TPCN2: variants seen among roughly 807,000 people sequenced by gnomAD.
The protein encoded by TPCN2 is two pore channel protein 2.
A neutral mutation model predicts 111.4 loss-of-function variants in TPCN2; 92 were observed. That is an observed-to-expected ratio of 0.83 (90% CI 0.70 to 0.98). The LOEUF is 0.98. TPCN2 is among the 50% of genes least tolerant of loss of function. The pLI, the probability that TPCN2 is intolerant of heterozygous loss-of-function variation, is 0.00. For missense variants in TPCN2, 995 were observed against 980.1 expected (o/e 1.02, Z -0.20); for synonymous variants, 405 against 414.5 (o/e 0.98, Z 0.28).
chr11:69,085,383 A>G (rs1293463460), intron 20 of TPCN2, 97 bp downstream of exon 20: 13 of 1,240,518 alleles, frequency 1.0e-5, no homozygotes, highest in Non-Finnish European at 1.5e-5. Flanking sequence ...GCATCTCAGG[A>G]TGGGAGGGTG....
chr11:69,063,878 G>T lies in TPCN2; in HGVS notation c.654-17G>T. ...GCCCGCCGCCTGGCCCAGGCTGAGT[G>T]CCGTGCTCTCCCCCAGCGTCGGGCT... On this transcript the variant is annotated splice_polypyrimidine_tract_variant and intron_variant, in intron 6 of 24. Transcript: ENST00000294309. The T allele has an allele frequency of 6.2e-7, 1 of 1,613,176 alleles. No homozygotes were observed.
intron 22 of TPCN2, 73 bp downstream of exon 22, chr11:69,086,003 C>A: frequency 7.0e-7 from 1 of 1,436,244 alleles, no homozygotes; most frequent in Non-Finnish European, 9.7e-7. Context: ...GGGCACGCTG[C>A]ATCTGCACTG....
intron 16 of TPCN2, chr11:69,079,338 TCACTGATAGA>T: frequency 5.0e-6 from 2 of 400,526 alleles, no homozygotes; most frequent in South Asian, 7.7e-5. Flanking sequence ...CTCTTAAACG[TCACTGATAGA>T]CGGTGTGACC....
intron 19 of TPCN2, chr11:69,084,677 G>A: frequency 6.1e-6 from 6 of 985,464 alleles, no homozygotes; most frequent in Non-Finnish European, 7.2e-6. Context: ...CCACCTTGAC[G>A]TAGGGACCAC....
intron 5 of TPCN2, among the ~76,000 whole-genome samples, chr11:69,062,595 A>G (rs1440676409): frequency 8.4e-6 from 1 of 118,690 alleles, no homozygotes; most frequent in African/African-American, 3.1e-5. Context: ...ACAGGGGAGG[A>G]TGGCCTGGGA....
At chr11:69,073,986 A>G (rs561810216) in intron 13 of TPCN2, among the ~76,000 whole-genome samples, 149 of 152,274 alleles carry the variant, frequency 9.8e-4, no homozygotes, top group African/African-American at 3.4e-3. Context: ...GGCCCATTCT[A>G]ATGGCCTTGT....
At chr11:69,084,256 T>C (rs1402214096) in intron 19 of TPCN2, among the ~76,000 whole-genome samples, 1 of 152,108 alleles carries the variant, frequency 6.6e-6, no homozygotes, top group African/African-American at 2.4e-5. Flanking sequence ...TGAGCATCCT[T>C]CCCTCCCATG....
At chr11:69,056,918 A>G (rs1179230036) in intron 4 of TPCN2, among the ~76,000 whole-genome samples, 2 of 151,608 alleles carry the variant, frequency 1.3e-5, no homozygotes, top group African/African-American at 2.4e-5. Flanking sequence ...GCTCACTGCA[A>G]CCTTCGCCTC....
intron 13 of TPCN2, among the ~76,000 whole-genome samples, chr11:69,074,262 G>T (rs535295747): frequency 2.0e-5 from 3 of 152,202 alleles, no homozygotes; most frequent in Non-Finnish European, 2.9e-5. Flanking sequence ...CCACGCACTC[G>T]TCCCCATCCT....
Position 69,054,702 on chromosome 11 carries a change from T to C in TPCN2, c.175-19T>C. The C allele has an allele frequency of 6.2e-7, 1 of 1,613,470 alleles. No homozygotes were observed. Among genetic ancestry groups the C allele is most frequent in the African/African-American group, 1.3e-5 (1 of 75,040 alleles). On this transcript the variant is annotated intron_variant, in intron 2 of 24. Transcript: ENST00000294309. ...CTGCATGCACCCATGTCATGCCTCATGTGACTTTTCGCTTGTAGTACCGCT... is the reference window on the plus strand; with the variant it reads ...CTGCATGCACCCATGTCATGCCTCACGTGACTTTTCGCTTGTAGTACCGCT...
In TPCN2 at chr11:69,049,053, G is replaced by C; in HGVS notation, c.56G>C (p.Gly19Ala). The stretch of plus-strand genomic sequence containing the variant: ...CTGCTGGGCGGGGCCCGCGGCGGTG[G>C]CGGCGACTGGCCGGCGGGGCTGACC... Reference protein sequence around the residue: ...EPLLGGARGGGGDWPAGLTTY... With the variant: ...EPLLGGARGGAGDWPAGLTTY... Residue 19 changes from glycine to alanine, a missense_variant, in exon 1 of 25, where the codon GGC becomes GCC. Coordinates refer to ENST00000294309, the MANE Select transcript of TPCN2 (RefSeq NM_139075.4). 8.0e-7 allele frequency: 1 copy of C among 1,242,420 alleles called. No individual in the cohort carries two copies. Among genetic ancestry groups the C allele is most frequent in the Non-Finnish European group, 1.0e-6 (1 of 988,646 alleles). 77.0% of individuals were successfully genotyped at this position (1,242,420 alleles called of 1,614,324 possible).
intron 9 of TPCN2, among the ~76,000 whole-genome samples, chr11:69,070,745 A>AC (rs1271365942): frequency 6.9e-5 from 8 of 115,894 alleles, no homozygotes; most frequent in Non-Finnish European, 1.3e-4. Context: ...GGGATCCCCC[A>AC]CCAACAGCTT....
chr11:69,053,602 C>G (rs1385258862), intron 1 of TPCN2, among the ~76,000 whole-genome samples: 1 of 152,084 alleles, frequency 6.6e-6, no homozygotes, highest in Non-Finnish European at 1.5e-5. Context: ...GCAGGGGGCT[C>G]TTGTGCTCCT....
rs750048031 is a variant in TPCN2, at chr11:69,079,071, C to T, written c.1539+51C>T. Reference sequence around the variant, plus strand: ...CCTCTACTGGGCGGGTGGGTGAGCGCCACCTGGGCTCTGTGCTGGCCCATC... The same window carrying T: ...CCTCTACTGGGCGGGTGGGTGAGCGTCACCTGGGCTCTGTGCTGGCCCATC... On this transcript the variant is annotated intron_variant, in intron 16 of 24. Coordinates refer to ENST00000294309, the MANE Select transcript of TPCN2 (RefSeq NM_139075.4). 8 of 1,565,412 alleles carry T rather than the reference C, an allele frequency of 5.1e-6. No homozygotes were observed. The South Asian group carries it at 8.4e-5, about 16-fold the overall frequency.
In TPCN2 at chr11:69,087,093, C is replaced by T. The variant is rs1458336060; in HGVS notation, c.2086-19C>T. On this transcript the variant is annotated intron_variant, in intron 23 of 24. Coordinates refer to ENST00000294309, the MANE Select transcript of TPCN2 (RefSeq NM_139075.4). ...TCATTCGGGGCCCACACTCACTGGC[C>T]ACTCCTCCTGCTTGCCAGAACTTCC... The T allele has an allele frequency of 1.2e-6, 2 of 1,608,756 alleles. No individual in the cohort carries two copies. The highest frequency in any genetic ancestry group is 1.7e-6 in the Non-Finnish European group (2 of 1,175,502).
intron 19 of TPCN2, 103 bp from the exon 20 acceptor site, chr11:69,085,107 T>G: frequency 8.9e-7 from 1 of 1,123,788 alleles, no homozygotes; most frequent in Admixed American, 1.7e-5. Flanking sequence ...CAGAGGGTCC[T>G]GGCCTCACAG....
At chr11:69,073,037 G>A (rs909814382) in intron 13 of TPCN2, 36 bp downstream of exon 13, 2 of 1,519,640 alleles carry the variant, frequency 1.3e-6, no homozygotes, top group Non-Finnish European at 1.8e-6. Flanking sequence ...GTGGATAGTG[G>A]GGGCCTTCCA....
chr11:69,066,083 C>T (rs1002679790), intron 7 of TPCN2, among the ~76,000 whole-genome samples: 7 of 152,054 alleles, frequency 4.6e-5, no homozygotes, highest in Non-Finnish European at 1.0e-4. Context: ...TGGACCTCAG[C>T]GTCTGTTAGG....
At chr11:69,083,028 GATATCCTT>G (rs1856109780) in intron 18 of TPCN2, 1 of 145,410 alleles carries the variant, frequency 6.9e-6, no homozygotes, top group African/African-American at 2.6e-5. Flanking sequence ...ATCGCATGCA[GATATCCTT>G]GTGAACTCGT....
Sources: gnomAD v4.1 joint callset for allele counts (sites outside exome capture counted in the v4.1 genomes callset) on GRCh38, gnomAD v4.1.1 for gene constraint, MANE v1.5 for transcripts, NCBI Gene and HGNC (gene_info 2026-07-23, HGNC 2026-07-21) for gene names.